The following MBNL2 variants were observed in gnomAD, a reference collection of about 807,000 sequenced individuals.
MBNL2 encodes muscleblind like splicing regulator 2, also known as muscleblind-like protein 2.
MBNL2 carries 17 observed loss-of-function variants against 41.9 expected under a neutral mutation model. The observed-to-expected ratio is 0.41, with a 90% CI of 0.28 to 0.61. The LOEUF (loss-of-function observed/expected upper bound fraction) is 0.61. Ranked by LOEUF, MBNL2 falls within the 20% of genes least tolerant of loss-of-function variation. The pLI, the probability that MBNL2 is intolerant of heterozygous loss-of-function variation, is 0.35. For synonymous variants in MBNL2, 195 were observed against 182.9 expected (o/e 1.07, Z -0.53); for missense variants, 336 against 505.6 (o/e 0.66, Z 3.22).
At position 97,268,365 on chromosome 13, in the gene MBNL2, C is replaced by T. The variant is rs980114875; in HGVS notation, c.-604-7267C>T. 7.2e-5 allele frequency among the ~76,000 whole-genome samples: 11 copies of T among 152,122 alleles called. No individual in the cohort carries two copies. The highest frequency in any genetic ancestry group is 3.2e-3 in the Middle Eastern group (1 of 316). On this transcript the variant is annotated intron_variant, in intron 1 of 8. Coordinates refer to ENST00000679496, the MANE Select transcript of MBNL2 (RefSeq NM_001382683.1). This position sits in a 1 kb window ranked among gnomAD's most constrained non-coding sequence, Gnocchi z 4.6. ...GATCCATCTGCCTCGGCCTCCCAAA[C>T]GCTGGGATTACAGGTGTGAGCCACT...
chr13:97,186,718 C>T, the MBNL2 span, among the ~76,000 whole-genome samples: 10 of 152,062 alleles, frequency 6.6e-5, no homozygotes, highest in Non-Finnish European at 1.2e-4. Context: ...AGCAAATCAT[C>T]GTTTTAAGAT....
chr13:97,247,457 G>A (rs1289595059), intron 1 of MBNL2, among the ~76,000 whole-genome samples: 4 of 152,280 alleles, frequency 2.6e-5, no homozygotes, highest in African/African-American at 9.6e-5. Flanking sequence ...TAAGTTCTAG[G>A]ACAGGAGATG....
chr13:97,288,604 G>T (rs2152966551), intron 2 of MBNL2, among the ~76,000 whole-genome samples: 1 of 152,300 alleles, frequency 6.6e-6, no homozygotes, highest in East Asian at 1.9e-4. Context: ...GGTTTGTTCT[G>T]CAGGAGTTAG....
At chr13:97,258,255 A>G (rs77930252) in intron 1 of MBNL2, among the ~76,000 whole-genome samples, 13 of 152,156 alleles carry the variant, frequency 8.5e-5, no homozygotes, top group African/African-American at 3.1e-4. Context: ...TAAACACAGT[A>G]AATATTTGTT....
intron 2 of MBNL2, among the ~76,000 whole-genome samples, chr13:97,299,216 A>G (rs1225728708): frequency 6.6e-6 from 1 of 152,030 alleles, no homozygotes; most frequent in African/African-American, 2.4e-5. Context: ...TTCTGTGTTA[A>G]TTTCTTCTCT....
At chr13:97,342,987 C>T in intron 3 of MBNL2, 29 bp from the exon 4 acceptor site, 1 of 1,406,624 alleles carries the variant, frequency 7.1e-7, no homozygotes, top group Non-Finnish European at 1.0e-6. Flanking sequence ...CTAAATAACT[C>T]TTTCTCCTGT....
intron 1 of MBNL2, among the ~76,000 whole-genome samples, chr13:97,260,174 C>T (rs1407602652): frequency 1.3e-5 from 2 of 152,176 alleles, no homozygotes; most frequent in Admixed American, 6.5e-5. Context: ...GACCTCCAAG[C>T]TATGTGACTA....
intron 4 of MBNL2, among the ~76,000 whole-genome samples, chr13:97,345,042 C>A (rs998428452): frequency 7.1e-6 from 1 of 140,510 alleles, no homozygotes; most frequent in Non-Finnish European, 1.6e-5. Context: ...TTATTTTGCG[C>A]ATTTTATGAA....
chr13:97,187,631 G>C, the MBNL2 span, among the ~76,000 whole-genome samples: 2 of 142,622 alleles, frequency 1.4e-5, no homozygotes, highest in Non-Finnish European at 3.1e-5. Context: ...AAAGAGGCCG[G>C]GCGCGGTGGC....
chr13:97,366,676 ATTAGT>A lies in MBNL2; in HGVS notation c.1048+1509_1048+1513del, dbSNP rs1379890025. ...TTATCCATCAAATTTTATTTTTTTA[ATTAGT>A]TTATAGCAAGCATTTACAGACAGGT... On this transcript the variant is annotated intron_variant, in intron 8 of 8. Coordinates refer to ENST00000679496, the MANE Select transcript of MBNL2 (RefSeq NM_001382683.1). The surrounding 1 kb of genome is among the most constrained non-coding windows in gnomAD (Gnocchi z 4.7). The A allele has an allele frequency of 2.8e-6, 2 of 720,740 alleles. No individual in the cohort carries two copies. The highest frequency in any genetic ancestry group is 2.5e-6 in the Non-Finnish European group (1 of 396,660). 44.6% of individuals were successfully genotyped at this position (720,740 alleles called of 1,614,324 possible).
the MBNL2 span, among the ~76,000 whole-genome samples, chr13:97,182,932 A>G: frequency 6.6e-6 from 1 of 152,220 alleles, no homozygotes; most frequent in African/African-American, 2.4e-5. Context: ...TACCCCAAGT[A>G]TAGATATATC....
In MBNL2 at chr13:97,346,095, G is replaced by A. The variant is rs2061825330; in HGVS notation, c.541-709G>A. On this transcript the variant is annotated intron_variant, in intron 4 of 8. Coordinates refer to ENST00000679496, the MANE Select transcript of MBNL2 (RefSeq NM_001382683.1). The surrounding 1 kb of genome is among the most constrained non-coding windows in gnomAD (Gnocchi z 4.2). ...ATGATAGATGATGGATGGCTGGATGGATAGATGATAGATGGATGAATGAAT... is the reference window on the plus strand; with the variant it reads ...ATGATAGATGATGGATGGCTGGATGAATAGATGATAGATGGATGAATGAAT... Among the ~76,000 whole-genome samples the A allele has an allele frequency of 6.6e-6, 1 of 152,114 alleles. No individual in the cohort carries two copies. Among genetic ancestry groups the A allele is most frequent in the Non-Finnish European group, 1.5e-5 (1 of 68,010 alleles).
At chr13:97,328,420 C>T (rs147411183) in intron 2 of MBNL2, among the ~76,000 whole-genome samples, 1 of 152,290 alleles carries the variant, frequency 6.6e-6, no homozygotes, top group Non-Finnish European at 1.5e-5. Context: ...AAGCACATGC[C>T]ATCTGCCCTT....
Position 97,276,104 on chromosome 13 carries a change from T to G in MBNL2, c.-132T>G. 1.2e-5 allele frequency: 8 copies of G among 672,920 alleles called. No individual in the cohort carries two copies. The South Asian group carries it at 1.5e-4, about 13-fold the overall frequency. The allele number at this position is 672,920 out of a possible 1,614,324, so 41.7% of individuals were successfully genotyped here. A position where few individuals can be genotyped will look rare whatever the true frequency, so the allele number is the denominator to read the frequency against. On this transcript the variant is annotated 5_prime_UTR_variant, in exon 2 of 9. Coordinates refer to ENST00000679496, the MANE Select transcript of MBNL2 (RefSeq NM_001382683.1). ...CATCATCCTGTTCCTTGGATTGGAC[T>G]TCACTAAGCAATTTATCACTCACCT... is the stretch of plus-strand genomic sequence containing the variant.
chr13:97,265,447 T>A (rs1326478903), intron 1 of MBNL2, among the ~76,000 whole-genome samples: 1 of 152,156 alleles, frequency 6.6e-6, no homozygotes, highest in African/African-American at 2.4e-5. Flanking sequence ...CAGACACGGT[T>A]CTTTCTCTAG....
At chr13:97,255,363 C>T (rs1043905447) in intron 1 of MBNL2, among the ~76,000 whole-genome samples, 1 of 152,024 alleles carries the variant, frequency 6.6e-6, no homozygotes, top group African/African-American at 2.4e-5. Context: ...TCTGTTTAAC[C>T]CTCATCAAGT....
the MBNL2 span, among the ~76,000 whole-genome samples, chr13:97,174,467 G>T: frequency 6.6e-6 from 1 of 152,218 alleles, no homozygotes; most frequent in African/African-American, 2.4e-5. Context: ...AATGAATAAT[G>T]TCAACCAAGT....
chr13:97,339,729 T>C (rs1182219150), intron 3 of MBNL2, among the ~76,000 whole-genome samples: 1 of 152,034 alleles, frequency 6.6e-6, no homozygotes, highest in Non-Finnish European at 1.5e-5. Flanking sequence ...TGAGAACCAC[T>C]TTTCCAAGGC....
rs1384176898 is a variant in MBNL2 at position 97,334,633 on chromosome 13, G to T, written c.339+193G>T. Among the ~76,000 whole-genome samples the T allele has an allele frequency of 6.6e-6, 1 of 152,104 alleles. No homozygotes were observed. Among genetic ancestry groups the T allele is most frequent in the Non-Finnish European group, 1.5e-5 (1 of 68,026 alleles). On this transcript the variant is annotated intron_variant, in intron 3 of 8. Transcript: ENST00000679496. The surrounding 1 kb of genome is among the most constrained non-coding windows in gnomAD (Gnocchi z 5.3). The stretch of plus-strand genomic sequence containing the variant: ...TAGAAAAATATTTGTGGAAATAGGA[G>T]GCAAAGACAATTTCTAATCAATATC...
Sources: gnomAD v4.1 joint callset for allele counts (sites outside exome capture counted in the v4.1 genomes callset) on GRCh38, gnomAD v4.1.1 for gene constraint, Gnocchi (gnomAD v3.1) non-coding constraint, MANE v1.5 for transcripts, NCBI Gene and HGNC (gene_info 2026-07-23, HGNC 2026-07-21) for gene names.